Variants in FHDC1 observed in about 807,000 individuals in gnomAD.
FHDC1 encodes FH2 domain-containing protein 1.
A neutral mutation model predicts 52.6 loss-of-function variants in FHDC1; 25 were observed. That is an observed-to-expected ratio of 0.48 (90% CI 0.35 to 0.66). The LOEUF is 0.66. Among genes scored for constraint, FHDC1 ranks in the 30% least tolerant of loss-of-function variants. The pLI, the probability that FHDC1 is intolerant of heterozygous loss-of-function variation, is 0.01. For synonymous variants in FHDC1, 616 were observed against 581.5 expected, an observed-to-expected ratio of 1.06 and a Z score of -0.85; for missense variants, 1,459 against 1,452.8, an observed-to-expected ratio of 1.00 and a Z score of -0.07.
At chr4:152,923,942 T>C in the FHDC1 span, among the ~76,000 whole-genome samples, 1 of 151,820 alleles carries the variant, frequency 6.6e-6, no homozygotes, top group African/African-American at 2.4e-5. Flanking sequence ...AGGACATAGG[T>C]ATGGGCAAGG....
intron 1 of FHDC1, among the ~76,000 whole-genome samples, chr4:152,938,012 C>A (rs1026268771): frequency 3.3e-5 from 5 of 152,186 alleles, no homozygotes; most frequent in East Asian, 1.9e-4. Context: ...GTCCCAGGAC[C>A]CCCCAGGCCG....
At chr4:152,949,115 T>TAAGAAGAAGAAGAAGAAGAAGAAG in intron 2 of FHDC1, among the ~76,000 whole-genome samples, 1 of 77,198 alleles carries the variant, frequency 1.3e-5, no homozygotes, top group East Asian at 4.6e-4. Flanking sequence ...ATAATAATAA[T>TAAGAAGAAGAAGAAGAAGAAGAAG]AATAATAATA....
chr4:152,916,671 TAG>T, the FHDC1 span, among the ~76,000 whole-genome samples: 1 of 152,088 alleles, frequency 6.6e-6, no homozygotes, highest in South Asian at 2.1e-4. Flanking sequence ...TTTTTTTGTA[TAG>T]AGAGTGACAC....
At position 152,976,418 on chromosome 4, in the gene FHDC1, T is replaced by A; in HGVS notation, c.3127T>A (p.Ser1043Thr). The A allele has an allele frequency of 1.9e-6, 3 of 1,613,590 alleles. No individual in the cohort carries two copies. Among genetic ancestry groups the A allele is most frequent in the Non-Finnish European group, 2.5e-6 (3 of 1,179,992 alleles). Residue 1043 changes from serine to threonine, a missense_variant, in exon 12 of 12, where the codon TCC becomes ACC. By Grantham distance (58) the Ser-to-Thr change is moderately conservative. Coordinates refer to ENST00000511601, the MANE Select transcript of FHDC1 (RefSeq NM_001371116.1). ...PSFARNTVAS[S>T]SRSMRTDLPP... ...CTTTGCCCGGAACACAGTGGCCTCC[T>A]CCTCTCGAAGCATGAGAACAGATCT...
chr4:152,965,447 A>G (rs914430347), intron 9 of FHDC1, among the ~76,000 whole-genome samples: 18 of 152,238 alleles, frequency 1.2e-4, no homozygotes, highest in African/African-American at 4.3e-4. Flanking sequence ...AGTCACTCAC[A>G]GAGAAAGGCA....
chr4:152,942,718 T>G (rs1206086159), intron 1 of FHDC1, among the ~76,000 whole-genome samples: 1 of 152,250 alleles, frequency 6.6e-6, no homozygotes, highest in East Asian at 1.9e-4. Flanking sequence ...ATTGGATTTG[T>G]TGCAATTTCT....
intron 2 of FHDC1, among the ~76,000 whole-genome samples, chr4:152,949,172 G>GAAGAAGAAGAAAAGAAAAGAAGAAGAA (rs1313487127): frequency 6.9e-6 from 1 of 145,486 alleles, no homozygotes; most frequent in African/African-American, 2.5e-5. Context: ...AGAAGAAGAA[G>GAAGAAGAAGAAAAGAAAAGAAGAAGAA]CAGAAGAAGA....
intron 1 of FHDC1, among the ~76,000 whole-genome samples, chr4:152,938,449 A>AT (rs1739469264): frequency 6.6e-6 from 1 of 152,188 alleles, no homozygotes; most frequent in South Asian, 2.1e-4. Flanking sequence ...ACCGACTGAC[A>AT]TTCTGTGTTT....
At chr4:152,950,488 C>A (rs991573696) in intron 2 of FHDC1, among the ~76,000 whole-genome samples, 3 of 152,178 alleles carry the variant, frequency 2.0e-5, no homozygotes, top group Non-Finnish European at 2.9e-5. Context: ...TCAGTCACAG[C>A]CAGCTCGGGT....
intron 2 of FHDC1, among the ~76,000 whole-genome samples, chr4:152,950,725 A>T (rs945167196): frequency 2.6e-5 from 4 of 152,198 alleles, no homozygotes; most frequent in Non-Finnish European, 5.9e-5. Flanking sequence ...GGCCAGGCAC[A>T]CGTATAGCTT....
chr4:152,927,911 G>A, the FHDC1 span: 1 of 1,392,942 alleles, frequency 7.2e-7, no homozygotes, highest in Non-Finnish European at 1.0e-6. Context: ...GTTGGCAGGA[G>A]CTGTGAAGCG....
At chr4:152,942,902 A>G (rs1739614193) in intron 1 of FHDC1, 26 bp from the exon 2 acceptor site, 1 of 751,358 alleles carries the variant, frequency 1.3e-6, no homozygotes, top group Non-Finnish European at 2.1e-6. Context: ...TCTGTAACTG[A>G]TTTGATATTT....
chr4:152,934,441 C>T (rs554414983), upstream of FHDC1, among the ~76,000 whole-genome samples: 2 of 152,220 alleles, frequency 1.3e-5, no homozygotes, highest in Non-Finnish European at 2.9e-5. Context: ...AAGAGAAACC[C>T]GGAGATATAC....
At chr4:152,966,739 G>T (rs1740468170) in intron 9 of FHDC1, among the ~76,000 whole-genome samples, 1 of 152,046 alleles carries the variant, frequency 6.6e-6, no homozygotes, top group Non-Finnish European at 1.5e-5. Context: ...TGGGATTACA[G>T]GCCTGAGCTA....
chr4:152,950,184 A>AACCCG (rs1489322583), intron 2 of FHDC1, among the ~76,000 whole-genome samples: 2 of 152,176 alleles, frequency 1.3e-5, no homozygotes, highest in African/African-American at 4.8e-5. Context: ...AACACCACCC[A>AACCCG]ACCCGACCCG....
In FHDC1 at chr4:152,976,414, C is replaced by G; in HGVS notation, c.3123C>G (p.Ala1041=). 1 of 1,613,748 alleles carries G rather than the reference C, an allele frequency of 6.2e-7. No individual in the cohort carries two copies. The highest frequency in any genetic ancestry group is 1.3e-5 in the African/African-American group (1 of 75,062). ...RVPSFARNTV[A]SSSRSMRTDL... ...CGAGCTTTGCCCGGAACACAGTGGC[C>G]TCCTCCTCTCGAAGCATGAGAACAG... Residue 1041 remains alanine (A), a synonymous_variant, in exon 12 of 12, where the codon GCC becomes GCG. Coordinates refer to ENST00000511601, the MANE Select transcript of FHDC1 (RefSeq NM_001371116.1).
chr4:152,919,887 G>A, the FHDC1 span, among the ~76,000 whole-genome samples: 1 of 151,076 alleles, frequency 6.6e-6, no homozygotes, highest in Non-Finnish European at 1.5e-5. Flanking sequence ...ACCCAGGGGA[G>A]ACAGAGTCTA....
At chr4:152,933,074 A>T (rs1050290770), upstream of FHDC1, among the ~76,000 whole-genome samples, 4 of 152,218 alleles carry the variant, frequency 2.6e-5, no homozygotes, top group Non-Finnish European at 5.9e-5. Flanking sequence ...TTTCTGGGCC[A>T]CACTGAGTTA....
chr4:152,968,467 C>T (rs1740533584), intron 10 of FHDC1, among the ~76,000 whole-genome samples: 1 of 152,060 alleles, frequency 6.6e-6, no homozygotes, highest in South Asian at 2.1e-4. Context: ...CTGGGGGCTA[C>T]AGGCATGCAC....
Sources: gnomAD v4.1 joint callset for allele counts (sites outside exome capture counted in the v4.1 genomes callset) on GRCh38, gnomAD v4.1.1 for gene constraint, MANE v1.5 for transcripts, NCBI Gene and HGNC (gene_info 2026-07-23, HGNC 2026-07-21) for gene names.